FSHR: variants seen among roughly 807,000 people sequenced by gnomAD.
The protein encoded by FSHR is follicle-stimulating hormone receptor.
FSHR carries 46 observed loss-of-function variants against 52.1 expected under a neutral mutation model. The observed-to-expected ratio is 0.88, with a 90% CI of 0.70 to 1.13. The LOEUF (loss-of-function observed/expected upper bound fraction) is 1.13, where lower values mean the gene tolerates loss of function less well. Among genes scored for constraint, FSHR ranks in the 50% most tolerant of loss-of-function variants. The pLI is 0.00. For synonymous variants in FSHR, 399 were observed against 309.6 expected (o/e 1.29, Z -3.03); for missense variants, 964 against 834.6 (o/e 1.16, Z -1.91).
chr2:48,973,140 G>A (rs560632473), intron 8 of FSHR, among the ~76,000 whole-genome samples: 1 of 152,268 alleles, frequency 6.6e-6, no homozygotes, highest in East Asian at 1.9e-4. Flanking sequence ...AGAGTCTTCA[G>A]CTGCCATGAA....
At chr2:49,003,119 A>C (rs1463014471) in intron 4 of FSHR, among the ~76,000 whole-genome samples, 1 of 152,156 alleles carries the variant, frequency 6.6e-6, no homozygotes, top group Admixed American at 6.5e-5. Flanking sequence ...ATTAAACCAC[A>C]GCAGAACATT....
At chr2:49,135,789 A>G (rs1013015734) in intron 1 of FSHR, among the ~76,000 whole-genome samples, 5 of 151,404 alleles carry the variant, frequency 3.3e-5, no homozygotes, top group Non-Finnish European at 7.4e-5. Context: ...CTGTATTCTT[A>G]CAATAAAGTA....
intron 1 of FSHR, among the ~76,000 whole-genome samples, chr2:49,101,370 A>G (rs1361247220): frequency 6.6e-6 from 1 of 152,172 alleles, no homozygotes; most frequent in Non-Finnish European, 1.5e-5. Context: ...AACTGGGAGT[A>G]GATGGGGTTA....
At chr2:48,991,417 G>T (rs549529249) in intron 4 of FSHR, among the ~76,000 whole-genome samples, 2 of 151,544 alleles carry the variant, frequency 1.3e-5, no homozygotes, top group African/African-American at 4.9e-5. Context: ...TTAAAAAATT[G>T]GTCCTCAGAA....
At chr2:49,008,684 A>G (rs1293825339) in intron 4 of FSHR, among the ~76,000 whole-genome samples, 1 of 141,810 alleles carries the variant, frequency 7.1e-6, no homozygotes, top group East Asian at 2.2e-4. Flanking sequence ...CCTCTCCAGC[A>G]CCTGTTGTTT....
chr2:49,120,132 A>G (rs1000115601), intron 1 of FSHR, among the ~76,000 whole-genome samples: 10 of 152,126 alleles, frequency 6.6e-5, no homozygotes, highest in African/African-American at 2.4e-4. Context: ...TTATCTGGGC[A>G]TGGTGGTGCC....
chr2:49,043,743 C>T (rs1480588965), intron 2 of FSHR, among the ~76,000 whole-genome samples: 12 of 152,160 alleles, frequency 7.9e-5, no homozygotes, highest in Non-Finnish European at 7.4e-5. Flanking sequence ...TTTGAACATT[C>T]AGAGCTCAGT....
In FSHR at chr2:48,981,818, C is replaced by T. The variant is rs566035498; in HGVS notation, c.668+1094G>A. Among the ~76,000 whole-genome samples, 15 of 152,220 alleles carry T rather than the reference C, an allele frequency of 9.9e-5. No homozygotes were observed. In the East Asian group the frequency reaches 1.5e-3, roughly 16 times the overall value. ...AAAGTGATGCAGATAGATGGTTGGT[C>T]GGTAGGTGGGTAGATAACCACACAT... is the stretch of plus-strand genomic sequence containing the variant. On this transcript the variant is annotated intron_variant, in intron 8 of 9. Coordinates refer to ENST00000406846, the MANE Select transcript of FSHR (RefSeq NM_000145.4).
intron 4 of FSHR, among the ~76,000 whole-genome samples, chr2:49,002,126 A>G (rs1666913353): frequency 6.6e-6 from 1 of 152,130 alleles, no homozygotes; most frequent in African/African-American, 2.4e-5. Context: ...TCCACCAGTA[A>G]ATATTTTACA....
rs201122960 is a variant in FSHR, at chr2:48,968,867, T to G, written c.685A>C (p.Arg229=). Residue 229 remains arginine (R), a synonymous_variant, in exon 9 of 10, where the codon AGG becomes CGG. Transcript: ENST00000406846. The part of the protein sequence containing the change: ...GPVILDISRT[R]IHSLPSYGLE... The stretch of plus-strand genomic sequence containing the variant: ...CCATAGCTAGGCAGGGAATGGATCC[T>G]TGTTCTTGAAATATCTCTATAAAGA... 4 of 1,613,532 alleles carry G rather than the reference T, an allele frequency of 2.5e-6. No homozygotes were observed. Among genetic ancestry groups the G allele is most frequent in the Non-Finnish European group, 3.4e-6 (4 of 1,179,886 alleles).
intron 1 of FSHR, among the ~76,000 whole-genome samples, chr2:49,106,383 A>C (rs756304566): frequency 1.9e-4 from 29 of 152,120 alleles, no homozygotes; most frequent in Non-Finnish European, 4.1e-4. Flanking sequence ...GAGCTCCTGC[A>C]GTTGGCCAAC....
At chr2:49,038,446 C>T (rs1000573591) in intron 2 of FSHR, among the ~76,000 whole-genome samples, 8 of 151,538 alleles carry the variant, frequency 5.3e-5, no homozygotes, top group Non-Finnish European at 8.8e-5. Flanking sequence ...ACGGTGAAAC[C>T]CCGTCTCTAC....
intron 4 of FSHR, among the ~76,000 whole-genome samples, chr2:48,993,764 A>G (rs1327884622): frequency 1.3e-5 from 2 of 152,126 alleles, no homozygotes; most frequent in African/African-American, 2.4e-5. Flanking sequence ...CCTCAGCTGT[A>G]TTAAGTTCTT....
At chr2:49,009,508 G>A (rs562334824) in intron 4 of FSHR, among the ~76,000 whole-genome samples, 31 of 128,692 alleles carry the variant, frequency 2.4e-4, no homozygotes, top group African/African-American at 5.8e-4. Flanking sequence ...TTGGTGATGC[G>A]GGCTCTTTTT....
At chr2:49,046,039 C>G (rs1286575404) in intron 2 of FSHR, among the ~76,000 whole-genome samples, 4 of 152,124 alleles carry the variant, frequency 2.6e-5, no homozygotes, top group African/African-American at 9.7e-5. Flanking sequence ...TACATGACTT[C>G]TTAGATGTTG....
intron 1 of FSHR, among the ~76,000 whole-genome samples, chr2:49,091,001 T>TAC (rs1466600953): frequency 6.6e-6 from 1 of 152,088 alleles, no homozygotes; most frequent in Non-Finnish European, 1.5e-5. Context: ...TCTCTATATA[T>TAC]ACTAGATAGA....
chr2:49,124,963 T>A (rs2103789789), intron 1 of FSHR, among the ~76,000 whole-genome samples: 1 of 152,346 alleles, frequency 6.6e-6, no homozygotes, highest in Admixed American at 6.5e-5. Flanking sequence ...CACTCATCCA[T>A]TCCTGTCACC....
Position 48,993,837 on chromosome 2 carries a change from C to G in FSHR, c.375-3200G>C, listed in dbSNP as rs555300035. 1.2e-3 allele frequency among the ~76,000 whole-genome samples: 182 copies of G among 152,238 alleles called. 1 individual carries two copies. Among genetic ancestry groups the G allele is most frequent in the Non-Finnish European group, 1.9e-3 (131 of 68,006 alleles). On this transcript the variant is annotated intron_variant, in intron 4 of 9. Coordinates refer to ENST00000406846, the MANE Select transcript of FSHR (RefSeq NM_000145.4). ...GGCTAACCATCCATTCTTCACCTGG[C>G]GAACTTCAACTCACCCTTCAGAGTT... is the stretch of plus-strand genomic sequence containing the variant.
At chr2:49,109,600 G>C (rs552842790) in intron 1 of FSHR, among the ~76,000 whole-genome samples, 81 of 152,172 alleles carry the variant, frequency 5.3e-4, no homozygotes, top group African/African-American at 1.8e-3. Context: ...GGCATCTCCT[G>C]TTTTAGCTAT....
Sources: allele counts gnomAD v4.1 joint callset (sites outside exome capture counted in the v4.1 genomes callset), GRCh38; gene constraint gnomAD v4.1.1; transcripts MANE v1.5; gene names NCBI Gene and HGNC (gene_info 2026-07-23, HGNC 2026-07-21).